MGAT5: variants seen among roughly 807,000 people sequenced by gnomAD.
MGAT5 encodes alpha-1,6-mannosylglycoprotein 6-beta-N-acetylglucosaminyltransferase, also known as alpha-1,6-mannosylglycoprotein 6-beta-N-acetylglucosaminyltransferase A.
Under a neutral mutation model 94.3 loss-of-function variants are expected in MGAT5, and 30 were observed. The ratio of observed to expected loss-of-function variants is 0.32; its 90% CI spans 0.24 to 0.43. The LOEUF (loss-of-function observed/expected upper bound fraction) is 0.43, where lower values mean the gene tolerates loss of function less well. MGAT5 is among the 20% of genes least tolerant of loss of function. The pLI, the probability that MGAT5 is intolerant of heterozygous loss-of-function variation, is 1.00. For missense variants in MGAT5, 691 were observed against 905.5 expected, an observed-to-expected ratio of 0.76 and a Z score of 3.04; for synonymous variants, 310 against 322.9, an observed-to-expected ratio of 0.96 and a Z score of 0.43.
At chr2:134,418,085 T>G (rs1351752621) in intron 12 of MGAT5, among the ~76,000 whole-genome samples, 1 of 151,766 alleles carries the variant, frequency 6.6e-6, no homozygotes, top group African/African-American at 2.4e-5. Flanking sequence ...GAGTATTTTT[T>G]TCCCGGGAAA....
At chr2:134,224,696 G>A (rs1322829661) in intron 1 of MGAT5, among the ~76,000 whole-genome samples, 1 of 152,148 alleles carries the variant, frequency 6.6e-6, no homozygotes, top group East Asian at 1.9e-4. Context: ...TTTTCTGCCT[G>A]TACCAATTCT....
chr2:134,177,144 C>CGTGTGTATGTGTGTGTGTGTGTGTGTGT (rs1553488518), intron 1 of MGAT5, among the ~76,000 whole-genome samples: 20 of 142,624 alleles, frequency 1.4e-4, no homozygotes, highest in South Asian at 9.0e-4. Flanking sequence ...CAAATGAACC[C>CGTGTGTATGTGTGTGTGTGTGTGTGTGT]GTGTGTGTGT....
At chr2:134,389,130 A>C (rs2106242136) in intron 10 of MGAT5, among the ~76,000 whole-genome samples, 1 of 152,330 alleles carries the variant, frequency 6.6e-6, no homozygotes. Context: ...ATCAGGAGGC[A>C]CATAATGTCC....
chr2:134,306,141 A>G lies in MGAT5; in HGVS notation c.407-11388A>G, dbSNP rs76083223. Among the ~76,000 whole-genome samples, 1,133 of 152,288 alleles carry G rather than the reference A, an allele frequency of 7.4e-3. 17 individuals carry two copies. The highest frequency in any genetic ancestry group is 0.026 in the African/African-American group (1,073 of 41,568). ...CCATTTGTTGTAACTAAGTACATAT[A>G]TGATACCCACGTGGAATATTTCATA... On this transcript the variant is annotated intron_variant, in intron 2 of 15. Transcript: ENST00000281923.
chr2:134,359,211 T>A (rs1288254448), intron 9 of MGAT5, among the ~76,000 whole-genome samples: 1 of 152,230 alleles, frequency 6.6e-6, no homozygotes, highest in Admixed American at 6.5e-5. Flanking sequence ...ATCACTCTTG[T>A]GTATTTTGCT....
At chr2:134,263,750 A>G (rs997882134) in intron 1 of MGAT5, among the ~76,000 whole-genome samples, 2 of 152,188 alleles carry the variant, frequency 1.3e-5, no homozygotes, top group African/African-American at 2.4e-5. Context: ...TACTATGTAT[A>G]TATATTTAAA....
At chr2:134,349,159 C>T (rs536929115) in intron 8 of MGAT5, among the ~76,000 whole-genome samples, 2 of 152,162 alleles carry the variant, frequency 1.3e-5, no homozygotes, top group East Asian at 1.9e-4. Context: ...CAAAAATAGG[C>T]GGTAGACCAG....
chr2:134,439,679 A>G (rs1685369872), intron 14 of MGAT5, among the ~76,000 whole-genome samples: 1 of 152,210 alleles, frequency 6.6e-6, no homozygotes, highest in Non-Finnish European at 1.5e-5. Context: ...CCTGGGCGAC[A>G]GAACAAGACT....
intron 1 of MGAT5, among the ~76,000 whole-genome samples, chr2:134,214,809 G>A (rs1030657014): frequency 6.6e-6 from 1 of 152,024 alleles, no homozygotes; most frequent in African/African-American, 2.4e-5. Context: ...CAGTACCCTT[G>A]ATTTTAGTTT....
intron 14 of MGAT5, among the ~76,000 whole-genome samples, 173 bp from the exon 15 acceptor site, chr2:134,441,585 G>A (rs1026612592): frequency 3.3e-5 from 5 of 152,178 alleles, no homozygotes; most frequent in Admixed American, 3.3e-4. Context: ...CAAGACCTGG[G>A]CTGAAGGCAT....
chr2:134,331,563 C>T (rs894920527), intron 4 of MGAT5, among the ~76,000 whole-genome samples: 4 of 152,124 alleles, frequency 2.6e-5, no homozygotes, highest in African/African-American at 9.6e-5. Flanking sequence ...TGGCAGAGGG[C>T]TTGAGGGAGG....
rs1427031157 is a variant in MGAT5 at position 134,270,454 on chromosome 2, G to C, written c.310G>C (p.Val104Leu). 1.9e-6 allele frequency: 3 copies of C among 1,614,228 alleles called. No homozygotes were observed. Among genetic ancestry groups the C allele is most frequent in the Non-Finnish European group, 2.5e-6 (3 of 1,180,028 alleles). ...GCGCATTGGCAAGTTGGAGTCGAAG[G>C]TGGACAATCTTGTTGTCAATGGCAC... Reference protein sequence around the residue: ...LQRIGKLESKVDNLVVNGTGT... With the variant: ...LQRIGKLESKLDNLVVNGTGT... The change falls in exon 2 of 16, where the codon GTG becomes CTG. Residue 104 changes from valine (V) to leucine (L), a missense_variant. Around this residue, in one of 4 missense-constraint regions of MGAT5, gnomAD observed 307 missense variants for 335.4 expected, o/e 0.92. Transcript: ENST00000281923.
chr2:134,388,778 G>T (rs1442372929), intron 10 of MGAT5, among the ~76,000 whole-genome samples: 1 of 131,486 alleles, frequency 7.6e-6, no homozygotes, highest in Admixed American at 7.9e-5. Flanking sequence ...GGGGTGGGGG[G>T]GTGGTCGGAG....
At chr2:134,189,602 GTT>G (rs912983981) in intron 1 of MGAT5, among the ~76,000 whole-genome samples, 8 of 84,670 alleles carry the variant, frequency 9.4e-5, no homozygotes, top group Non-Finnish European at 1.8e-4. Flanking sequence ...GTTTTTTTTT[GTT>G]TTTTTTTTTT....
chr2:134,151,551 G>A (rs1326038442), intron 1 of MGAT5, among the ~76,000 whole-genome samples: 1 of 130,782 alleles, frequency 7.6e-6, no homozygotes, highest in African/African-American at 2.9e-5. Context: ...CTCATGCCCT[G>A]TGGGACCCAC....
chr2:134,229,537 C>T (rs1681242735), intron 1 of MGAT5, among the ~76,000 whole-genome samples: 2 of 152,168 alleles, frequency 1.3e-5, no homozygotes, highest in South Asian at 2.1e-4. Flanking sequence ...TTAAAATATT[C>T]TATAACTGAT....
intron 1 of MGAT5, among the ~76,000 whole-genome samples, chr2:134,197,807 C>A (rs1376611841): frequency 1.3e-5 from 2 of 152,084 alleles, no homozygotes; most frequent in African/African-American, 4.8e-5. Flanking sequence ...GGTTGCCCTG[C>A]CACCCCCAGT....
intron 1 of MGAT5, among the ~76,000 whole-genome samples, chr2:134,151,027 T>C (rs1387646125): frequency 6.6e-6 from 1 of 152,138 alleles, no homozygotes; most frequent in East Asian, 1.9e-4. Flanking sequence ...TGGATTCCCC[T>C]TGCCTCTAGG....
chr2:134,364,684 G>C (rs1390167134), intron 10 of MGAT5, among the ~76,000 whole-genome samples: 2 of 152,174 alleles, frequency 1.3e-5, no homozygotes, highest in Non-Finnish European at 2.9e-5. Flanking sequence ...ATTCATCTTT[G>C]CCTGAGTAAT....
Sources: gnomAD v4.1 joint callset for allele counts (sites outside exome capture counted in the v4.1 genomes callset) on GRCh38, gnomAD v4.1.1 for gene constraint, gnomAD v4.1.1 regional missense constraint, MANE v1.5 for transcripts, NCBI Gene and HGNC (gene_info 2026-07-23, HGNC 2026-07-21) for gene names.